The following RIN2 variants were observed in gnomAD, a reference collection of about 807,000 sequenced individuals.
RIN2 encodes the protein Ras and Rab interactor 2, also known as RAB5 interacting protein 2.
In RIN2, 36 loss-of-function variants were observed where a neutral mutation model predicts 78.0. The ratio of observed to expected loss-of-function variants is 0.46; its 90% CI spans 0.35 to 0.61. The LOEUF (loss-of-function observed/expected upper bound fraction) is 0.61. Among genes scored for constraint, RIN2 ranks in the 20% least tolerant of loss-of-function variants. The pLI is 0.00. For synonymous variants in RIN2, 466 were observed against 466.8 expected, an observed-to-expected ratio of 1.00 and a Z score of 0.02; for missense variants, 1,087 against 1,159.7, an observed-to-expected ratio of 0.94 and a Z score of 0.91.
chr20:19,822,949 T>A (rs911469367), intron 2 of RIN2, among the ~76,000 whole-genome samples: 17 of 148,004 alleles, frequency 1.1e-4, no homozygotes, highest in Non-Finnish European at 2.1e-4. Context: ...TTTAAAAATA[T>A]ATATTTCTAA....
intron 3 of RIN2, 60 bp downstream of exon 3, chr20:19,889,718 T>A: frequency 3.8e-6 from 5 of 1,303,294 alleles, no homozygotes; most frequent in South Asian, 1.6e-5. Flanking sequence ...GCCTGGGAGC[T>A]GCGGTGCTCC....
At chr20:19,998,683 T>A (rs952672073) in intron 12 of RIN2, among the ~76,000 whole-genome samples, 12 of 152,274 alleles carry the variant, frequency 7.9e-5, no homozygotes, top group African/African-American at 2.9e-4. Context: ...ATGATTGCAG[T>A]ATGCTCAGAA....
chr20:19,973,591 C>A (rs895020063), intron 8 of RIN2, among the ~76,000 whole-genome samples: 6 of 152,142 alleles, frequency 3.9e-5, no homozygotes, highest in African/African-American at 1.4e-4. Context: ...GAGTTGGAGA[C>A]CAGCCTGGTA....
chr20:19,955,904 G>C (rs1276124086), intron 4 of RIN2, among the ~76,000 whole-genome samples: 2 of 152,174 alleles, frequency 1.3e-5, no homozygotes, highest in East Asian at 1.9e-4. Context: ...TGAGCATTAG[G>C]AACTCACGGT....
chr20:19,912,087 A>T (rs1037497449), intron 3 of RIN2, among the ~76,000 whole-genome samples: 1 of 152,184 alleles, frequency 6.6e-6, no homozygotes, highest in Non-Finnish European at 1.5e-5. Flanking sequence ...ATGTGTTTTC[A>T]TAATTGAATT....
intron 4 of RIN2, among the ~76,000 whole-genome samples, chr20:19,936,867 CT>C (rs35005065): frequency 6.6e-5 from 10 of 151,940 alleles, no homozygotes; most frequent in African/African-American, 2.2e-4. Context: ...TTTTATTTGG[CT>C]TTTTTTTAAC....
intron 11 of RIN2, among the ~76,000 whole-genome samples, chr20:19,995,455 GCGA>G (rs2146412243): frequency 6.6e-6 from 1 of 152,090 alleles, no homozygotes; most frequent in South Asian, 2.1e-4. Context: ...AACATTCAGG[GCGA>G]CCCCTAGTGG....
chr20:19,798,720 TA>T (rs2035146874), intron 1 of RIN2, among the ~76,000 whole-genome samples: 1 of 152,090 alleles, frequency 6.6e-6, no homozygotes, highest in South Asian at 2.1e-4. Flanking sequence ...ATTTAAATTA[TA>T]AAAATGCCCA....
At chr20:19,906,473 T>C (rs996490039) in intron 3 of RIN2, among the ~76,000 whole-genome samples, 5 of 152,018 alleles carry the variant, frequency 3.3e-5, no homozygotes, top group Admixed American at 3.3e-4. Flanking sequence ...ATAGCAGGAA[T>C]GAATTCATCA....
intron 2 of RIN2, among the ~76,000 whole-genome samples, chr20:19,807,170 C>T (rs575295598): frequency 7.2e-5 from 11 of 152,316 alleles, no homozygotes; most frequent in Admixed American, 2.0e-4. Context: ...TGCTTGGAAT[C>T]GGCACACTGA....
At chr20:19,801,511 T>A (rs1298002957) in intron 2 of RIN2, among the ~76,000 whole-genome samples, 1 of 152,084 alleles carries the variant, frequency 6.6e-6, no homozygotes, top group South Asian at 2.1e-4. Context: ...TTAGTAGAGA[T>A]GGGGTTTCAC....
At chr20:19,838,486 T>A (rs757852734) in intron 2 of RIN2, among the ~76,000 whole-genome samples, 1 of 152,216 alleles carries the variant, frequency 6.6e-6, no homozygotes, top group African/African-American at 2.4e-5. Flanking sequence ...GGACATACCC[T>A]ATTCTGTTTG....
At chr20:19,776,754 G>GA (rs895459311) in intron 1 of RIN2, among the ~76,000 whole-genome samples, 3 of 147,682 alleles carry the variant, frequency 2.0e-5, no homozygotes, top group African/African-American at 7.5e-5. Context: ...AAGAAAGAAA[G>GA]AAAAAATCTT....
At chr20:19,843,376 G>T (rs559383018) in intron 2 of RIN2, among the ~76,000 whole-genome samples, 1 of 152,250 alleles carries the variant, frequency 6.6e-6, no homozygotes, top group South Asian at 2.1e-4. Context: ...AAACATCATT[G>T]TTGTCTTATT....
chr20:19,932,068 A>C (rs947472940), intron 3 of RIN2, among the ~76,000 whole-genome samples: 13 of 152,150 alleles, frequency 8.5e-5, no homozygotes, highest in African/African-American at 3.1e-4. Flanking sequence ...CACCTCTAAA[A>C]CTCATGTTGA....
At chr20:19,844,686 CTCTTCCTCTTCCTCTTCTTCT>C (rs1291103923) in intron 2 of RIN2, among the ~76,000 whole-genome samples, 1,762 of 30,040 alleles carry the variant, frequency 0.059, 82 homozygotes, top group Non-Finnish European at 0.064. Context: ...CTTCTTCTTC[CTCTTCCTCTTCCTCTTCTTCT>C]TCTTCTTCTT....
intron 4 of RIN2, among the ~76,000 whole-genome samples, chr20:19,944,038 T>C (rs1399295395): frequency 6.8e-6 from 1 of 147,528 alleles, no homozygotes; most frequent in Non-Finnish European, 1.5e-5. Context: ...ACTTCAAAAT[T>C]CTAAAGAAAT....
intron 1 of RIN2, among the ~76,000 whole-genome samples, chr20:19,775,637 C>T (rs1007150850): frequency 6.6e-6 from 1 of 152,186 alleles, no homozygotes; most frequent in East Asian, 1.9e-4. Flanking sequence ...AGTATTTTTA[C>T]CCAATTTACA....
chr20:19,844,910 T>C (rs962297279), intron 2 of RIN2, among the ~76,000 whole-genome samples: 1 of 150,954 alleles, frequency 6.6e-6, no homozygotes, highest in Non-Finnish European at 1.5e-5. Context: ...CAGGCCCCAG[T>C]GTGTGATGTT....
Sources: gnomAD v4.1 joint callset for allele counts (sites outside exome capture counted in the v4.1 genomes callset) on GRCh38, gnomAD v4.1.1 for gene constraint, MANE v1.5 for transcripts, NCBI Gene and HGNC (gene_info 2026-07-23, HGNC 2026-07-21) for gene names.